The following GPHN variants were observed in gnomAD, a reference collection of about 807,000 sequenced individuals.
GPHN encodes gephyrin.
Under a neutral mutation model 95.5 loss-of-function variants are expected in GPHN, and 17 were observed. That is an observed-to-expected ratio of 0.18 (90% CI 0.12 to 0.27). The LOEUF (loss-of-function observed/expected upper bound fraction) is 0.27, where lower values mean the gene tolerates loss of function less well. Among genes scored for constraint, GPHN ranks in the 10% least tolerant of loss-of-function variants. The pLI, the probability that GPHN is intolerant of heterozygous loss-of-function variation, is 1.00. For missense variants in GPHN, 660 were observed against 978.1 expected (o/e 0.67, Z 4.34); for synonymous variants, 320 against 322.5 (o/e 0.99, Z 0.08).
chr14:67,463,819 C>G, the GPHN span, among the ~76,000 whole-genome samples: 1 of 152,128 alleles, frequency 6.6e-6, no homozygotes, highest in Non-Finnish European at 1.5e-5. Flanking sequence ...CTCAGAGAGG[C>G]TCAGTCTCTT....
chr14:66,699,525 T>A (rs1307078298), intron 2 of GPHN, among the ~76,000 whole-genome samples: 1 of 152,134 alleles, frequency 6.6e-6, no homozygotes. Context: ...TCTTTGTGAG[T>A]ATATAGTTCA....
At chr14:67,236,562 A>G in the GPHN span, among the ~76,000 whole-genome samples, 1 of 152,226 alleles carries the variant, frequency 6.6e-6, no homozygotes, top group African/African-American at 2.4e-5. Context: ...AAAGCCAATT[A>G]GGTTGAATAA....
At chr14:66,590,403 G>T (rs947580422) in intron 1 of GPHN, among the ~76,000 whole-genome samples, 2 of 151,976 alleles carry the variant, frequency 1.3e-5, no homozygotes, top group South Asian at 4.1e-4. Context: ...AAAATAGATC[G>T]AAAGCCAGAC....
intron 1 of GPHN, among the ~76,000 whole-genome samples, chr14:66,589,727 T>C (rs2140590526): frequency 6.6e-6 from 1 of 152,184 alleles, no homozygotes; most frequent in African/African-American, 2.4e-5. Context: ...CACACAATAA[T>C]AGTGGGAGAC....
the GPHN span, among the ~76,000 whole-genome samples, chr14:67,484,776 A>T: frequency 6.6e-6 from 1 of 152,266 alleles, no homozygotes; most frequent in East Asian, 1.9e-4. Context: ...AAAAAAAAAG[A>T]AAAAGCACTC....
the GPHN span, among the ~76,000 whole-genome samples, chr14:67,329,877 A>AATAC: frequency 1.6e-4 from 14 of 86,862 alleles, no homozygotes; most frequent in Admixed American, 2.9e-4. Context: ...TAAATAAATA[A>AATAC]ATAGATATAG....
At chr14:67,725,251 G>C in the GPHN span, 1 of 1,613,128 alleles carries the variant, frequency 6.2e-7, no homozygotes, top group Non-Finnish European at 8.5e-7. Context: ...GGGCTTTCTG[G>C]CAGGTGAGGT....
the GPHN span, among the ~76,000 whole-genome samples, chr14:67,281,086 A>AC: frequency 6.6e-6 from 1 of 151,404 alleles, no homozygotes; most frequent in Non-Finnish European, 1.5e-5. Context: ...TTTAGTAGAG[A>AC]CCGGGTTTCA....
downstream of GPHN, among the ~76,000 whole-genome samples, chr14:67,184,682 A>G (rs1595525636): frequency 6.6e-6 from 1 of 152,312 alleles, no homozygotes; most frequent in East Asian, 1.9e-4. Context: ...AGATGCCAGG[A>G]GTGCTAAGAT....
chr14:67,010,762 G>A (rs184630582), intron 9 of GPHN, among the ~76,000 whole-genome samples: 1 of 152,078 alleles, frequency 6.6e-6, no homozygotes, highest in Admixed American at 6.6e-5. Flanking sequence ...TGATAACTGA[G>A]CGATGCAAGA....
intron 10 of GPHN, among the ~76,000 whole-genome samples, chr14:67,056,710 A>G (rs2075587321): frequency 6.7e-6 from 1 of 149,922 alleles, no homozygotes; most frequent in African/African-American, 2.5e-5. Context: ...TGCCCACCAG[A>G]CCCACACCAC....
At chr14:67,239,805 G>A in the GPHN span, among the ~76,000 whole-genome samples, 2 of 152,184 alleles carry the variant, frequency 1.3e-5, no homozygotes, top group Admixed American at 6.5e-5. Flanking sequence ...GCAGTGAGCC[G>A]AGATTGCGCC....
chr14:66,945,084 A>C (rs2067665775), intron 8 of GPHN, among the ~76,000 whole-genome samples: 1 of 152,252 alleles, frequency 6.6e-6, no homozygotes, highest in African/African-American at 2.4e-5. Flanking sequence ...TGGGCGCCAA[A>C]AATGTTGTAG....
the GPHN span, among the ~76,000 whole-genome samples, chr14:67,401,528 A>C: frequency 8.5e-5 from 13 of 152,098 alleles, no homozygotes; most frequent in East Asian, 9.7e-4. Flanking sequence ...AACAATAATA[A>C]TAATTTTAAA....
At chr14:67,310,215 T>C in the GPHN span, among the ~76,000 whole-genome samples, 2 of 152,182 alleles carry the variant, frequency 1.3e-5, no homozygotes, top group African/African-American at 4.8e-5. Flanking sequence ...AAATTCATTT[T>C]TAGTGCTGAC....
At chr14:67,651,289 A>G in the GPHN span, 2 of 1,600,900 alleles carry the variant, frequency 1.2e-6, no homozygotes, top group Non-Finnish European at 1.7e-6. Flanking sequence ...TTGAACTGTC[A>G]GCCCACAGCA....
chr14:66,820,558 G>C (rs1243859126), intron 3 of GPHN, among the ~76,000 whole-genome samples: 5 of 152,020 alleles, frequency 3.3e-5, no homozygotes, highest in Admixed American at 1.3e-4. Context: ...GCCCTCCATT[G>C]CATGTTTCTT....
chr14:67,088,963 C>A lies in GPHN; in HGVS notation c.1145-20C>A. Reference sequence around the variant, plus strand: ...CATTGCTCTCCATATTTACATTTTCCTTCTTTTCTCTTCCTTCAGATGGAA... The same window carrying A: ...CATTGCTCTCCATATTTACATTTTCATTCTTTTCTCTTCCTTCAGATGGAA... On this transcript the variant is annotated intron_variant, in intron 11 of 22. Transcript: ENST00000478722. 1.4e-6 allele frequency: 2 copies of A among 1,447,798 alleles called. No homozygotes were observed. Among genetic ancestry groups the A allele is most frequent in the African/African-American group, 1.4e-5 (1 of 72,200 alleles). The allele number at this position is 1,447,798 out of a possible 1,614,324, so 89.7% of individuals were successfully genotyped here. A position where few individuals can be genotyped will look rare whatever the true frequency, so the allele number is the denominator to read the frequency against.
At chr14:66,773,414 C>T (rs183910712) in intron 2 of GPHN, among the ~76,000 whole-genome samples, 14 of 141,322 alleles carry the variant, frequency 9.9e-5, no homozygotes, top group East Asian at 4.2e-4. Flanking sequence ...GTTTCAATGG[C>T]GCAATCTCAG....
Sources: gnomAD v4.1 joint callset for allele counts (sites outside exome capture counted in the v4.1 genomes callset) on GRCh38, gnomAD v4.1.1 for gene constraint, MANE v1.5 for transcripts, NCBI Gene and HGNC (gene_info 2026-07-23, HGNC 2026-07-21) for gene names.